Variants in YES1 observed in about 807,000 individuals in gnomAD.
YES1 encodes the protein tyrosine-protein kinase Yes.
YES1 carries 39 observed loss-of-function variants against 70.4 expected under a neutral mutation model. The observed-to-expected ratio is 0.55, with a 90% CI of 0.43 to 0.72. YES1 has a LOEUF of 0.72. Among genes scored for constraint, YES1 ranks in the 30% least tolerant of loss-of-function variants. The pLI is 0.00. For missense variants in YES1, 495 were observed against 644.8 expected, an observed-to-expected ratio of 0.77 and a Z score of 2.52; for synonymous variants, 198 against 218.6, an observed-to-expected ratio of 0.91 and a Z score of 0.83.
chr18:799,706 A>C (rs1185017078), intron 1 of YES1, among the ~76,000 whole-genome samples: 3 of 152,096 alleles, frequency 2.0e-5, no homozygotes, highest in Non-Finnish European at 4.4e-5. Context: ...CCATTTCAAA[A>C]AAAATTTTAA....
At chr18:805,223 A>G (rs1907041146) in intron 1 of YES1, among the ~76,000 whole-genome samples, 1 of 152,194 alleles carries the variant, frequency 6.6e-6, no homozygotes, top group Admixed American at 6.5e-5. Flanking sequence ...CTTGGGCCAT[A>G]TAGTATGGCC....
At chr18:790,039 A>G (rs1906163912) in intron 1 of YES1, among the ~76,000 whole-genome samples, 1 of 152,064 alleles carries the variant, frequency 6.6e-6, no homozygotes, top group African/African-American at 2.4e-5. Context: ...CTGGGCAACA[A>G]GAGCAACACT....
At chr18:767,752 G>GT (rs1417724611) in intron 1 of YES1, among the ~76,000 whole-genome samples, 1 of 152,094 alleles carries the variant, frequency 6.6e-6, no homozygotes, top group East Asian at 1.9e-4. Flanking sequence ...CTAGGCTGGA[G>GT]TACAGGGGCA....
chr18:736,496 T>A (rs753926445), intron 10 of YES1: 1 of 205,444 alleles, frequency 4.9e-6, no homozygotes, highest in Non-Finnish European at 9.8e-6. Context: ...CAGGGCAATA[T>A]CTCCTCTGAC....
chr18:749,220 G>A (rs1038996255), intron 3 of YES1, among the ~76,000 whole-genome samples: 3 of 152,074 alleles, frequency 2.0e-5, no homozygotes, highest in Admixed American at 6.6e-5. Context: ...CTGGCCGGGC[G>A]CGGTGGCTTA....
chr18:749,503 A>T (rs1046007191), intron 3 of YES1, among the ~76,000 whole-genome samples: 1 of 151,692 alleles, frequency 6.6e-6, no homozygotes, highest in Non-Finnish European at 1.5e-5. Flanking sequence ...CATCTCAAAA[A>T]AACAAAAGCA....
rs150554691 is a variant in YES1, at chr18:764,377, C to T, written c.-8-7542G>A. On this transcript the variant is annotated intron_variant, in intron 1 of 11. Transcript: ENST00000314574. Reference sequence around the variant, plus strand: ...AGCTGGGATTATAGGCATGTGCCACCATGCCCGGCTAATTTTGTATTTTTA... The same window carrying T: ...AGCTGGGATTATAGGCATGTGCCACTATGCCCGGCTAATTTTGTATTTTTA... 2.6e-3 allele frequency among the ~76,000 whole-genome samples: 389 copies of T among 152,192 alleles called. 1 individual carries two copies. The highest frequency in any genetic ancestry group is 8.9e-3 in the African/African-American group (369 of 41,526).
intron 6 of YES1, among the ~76,000 whole-genome samples, chr18:744,658 G>A (rs2080256885): frequency 2.7e-5 from 4 of 147,534 alleles, no homozygotes; most frequent in Non-Finnish European, 5.9e-5. Context: ...CCAAAGTGGT[G>A]GGATTACAGG....
intron 6 of YES1, among the ~76,000 whole-genome samples, chr18:744,012 CTAATA>C (rs1296967324): frequency 1.3e-5 from 2 of 148,444 alleles, no homozygotes; most frequent in Admixed American, 1.4e-4. Flanking sequence ...TATGTATATA[CTAATA>C]TATAGTAGAT....
chr18:749,129 C>G (rs2145722326), intron 3 of YES1, among the ~76,000 whole-genome samples: 1 of 152,118 alleles, frequency 6.6e-6, no homozygotes. Flanking sequence ...CCACTGGACT[C>G]CAGCCTGGGC....
intron 1 of YES1, among the ~76,000 whole-genome samples, chr18:779,603 G>A (rs1173591247): frequency 6.6e-6 from 1 of 152,132 alleles, no homozygotes; most frequent in Non-Finnish European, 1.5e-5. Context: ...ATTAAAGGCA[G>A]TTTGTTGGCA....
chr18:775,675 T>C (rs1905343483), intron 1 of YES1, among the ~76,000 whole-genome samples: 1 of 152,112 alleles, frequency 6.6e-6, no homozygotes, highest in African/African-American at 2.4e-5. Flanking sequence ...CATACCCCTG[T>C]AGTCCCAGAC....
intron 1 of YES1, among the ~76,000 whole-genome samples, chr18:808,469 T>C (rs1016093365): frequency 6.6e-6 from 1 of 152,200 alleles, no homozygotes; most frequent in Non-Finnish European, 1.5e-5. Context: ...GACACTTTAA[T>C]AGAAACAGAT....
chr18:754,262 A>G (rs1312058190), intron 2 of YES1, among the ~76,000 whole-genome samples: 1 of 152,142 alleles, frequency 6.6e-6, no homozygotes, highest in Admixed American at 6.6e-5. Context: ...CCCATATAAT[A>G]CAATTCTCCC....
chr18:779,162 G>A (rs1905529674), intron 1 of YES1, among the ~76,000 whole-genome samples: 1 of 152,062 alleles, frequency 6.6e-6, no homozygotes, highest in South Asian at 2.1e-4. Context: ...AGCAGTTTGG[G>A]AGGCTGAGGT....
At chr18:770,795 T>A (rs1359100759) in intron 1 of YES1, among the ~76,000 whole-genome samples, 1 of 152,078 alleles carries the variant, frequency 6.6e-6, no homozygotes, top group African/African-American at 2.4e-5. Context: ...AAGGTTTTTG[T>A]GTGTTTGTGG....
At chr18:757,236 G>A (rs2080419802) in intron 1 of YES1, among the ~76,000 whole-genome samples, 3 of 152,222 alleles carry the variant, frequency 2.0e-5, no homozygotes, top group Non-Finnish European at 4.4e-5. Context: ...GGGCGCAGTG[G>A]CTCACGCCTG....
At chr18:776,267 C>A (rs1053909247) in intron 1 of YES1, among the ~76,000 whole-genome samples, 1 of 151,426 alleles carries the variant, frequency 6.6e-6, no homozygotes, top group Admixed American at 6.6e-5. Flanking sequence ...AATCTTGGCT[C>A]ACTGCAACCT....
intron 1 of YES1, among the ~76,000 whole-genome samples, chr18:804,838 C>G (rs1336689570): frequency 7.3e-6 from 1 of 137,298 alleles, no homozygotes; most frequent in Non-Finnish European, 1.5e-5. Flanking sequence ...CACTTGAACC[C>G]AGGAGGCTGA....
Sources: allele counts gnomAD v4.1 joint callset (sites outside exome capture counted in the v4.1 genomes callset), GRCh38; gene constraint gnomAD v4.1.1; transcripts MANE v1.5; gene names NCBI Gene and HGNC (gene_info 2026-07-23, HGNC 2026-07-21).